Variants in RAB22A observed in about 807,000 individuals in gnomAD.
RAB22A encodes the protein ras-related protein Rab-22A.
RAB22A carries 13 observed loss-of-function variants against 30.2 expected under a neutral mutation model. The observed-to-expected ratio is 0.43, with a 90% CI of 0.28 to 0.68. RAB22A has a LOEUF of 0.68. Ranked by LOEUF, RAB22A falls within the 30% of genes least tolerant of loss-of-function variation. The probability of loss-of-function intolerance (pLI) is 0.18; values close to 1 mark genes in which losing one functional copy is unlikely to be tolerated. For missense variants in RAB22A, 177 were observed against 246.8 expected (o/e 0.72, Z 1.89); for synonymous variants, 89 against 87.2 (o/e 1.02, Z -0.11).
intron 2 of RAB22A, among the ~76,000 whole-genome samples, chr20:58,325,925 T>C (rs1682983963): frequency 6.6e-6 from 1 of 152,164 alleles, no homozygotes; most frequent in Non-Finnish European, 1.5e-5. Context: ...TATAAGTTAC[T>C]AAGAGGAATG....
chr20:58,321,472 T>C (rs961514535), intron 2 of RAB22A, among the ~76,000 whole-genome samples: 6 of 152,320 alleles, frequency 3.9e-5, no homozygotes, highest in East Asian at 3.9e-4. Flanking sequence ...TTTGTGAATG[T>C]TCCATGTGCA....
At chr20:58,355,826 TA>T (rs1291162355) in intron 6 of RAB22A, among the ~76,000 whole-genome samples, 3 of 152,114 alleles carry the variant, frequency 2.0e-5, no homozygotes, top group African/African-American at 7.2e-5. Flanking sequence ...CCCTGTCTCT[TA>T]AAAAAACAAA....
At chr20:58,356,659 A>T (rs1294861810) in intron 6 of RAB22A, among the ~76,000 whole-genome samples, 2 of 152,178 alleles carry the variant, frequency 1.3e-5, no homozygotes, top group African/African-American at 4.8e-5. Context: ...AACCATCCTG[A>T]TACTAATTCT....
chr20:58,350,088 C>T (rs1387958243), intron 3 of RAB22A, among the ~76,000 whole-genome samples: 1 of 151,548 alleles, frequency 6.6e-6, no homozygotes. Context: ...ATGGCAAAAG[C>T]CCATCTCTTA....
At position 58,367,118 on chromosome 20, in the gene RAB22A, T is replaced by G. The variant is rs1987333641; in HGVS notation, c.*7415T>G. The G allele has an allele frequency of 6.6e-6, 1 of 152,596 alleles. No individual in the cohort carries two copies. The highest frequency in any genetic ancestry group is 1.5e-5 in the Non-Finnish European group (1 of 68,044). 9.5% of individuals were successfully genotyped at this position (152,596 alleles called of 1,614,324 possible). ...CAGCCCAAATTTATGGCCTTGGACT[T>G]ACTGCATGACACATGGCCTGGTTAC... On this transcript the variant is annotated 3_prime_UTR_variant, in exon 7 of 7. Coordinates refer to ENST00000244040, the MANE Select transcript of RAB22A (RefSeq NM_020673.3).
chr20:58,349,299 A>T (rs1171267426), intron 3 of RAB22A, among the ~76,000 whole-genome samples: 1 of 152,234 alleles, frequency 6.6e-6, no homozygotes, highest in African/African-American at 2.4e-5. Flanking sequence ...GCTTTTCCCC[A>T]GTGGGTATTT....
chr20:58,337,789 C>T (rs997043499), intron 2 of RAB22A, among the ~76,000 whole-genome samples: 1 of 152,170 alleles, frequency 6.6e-6, no homozygotes, highest in Non-Finnish European at 1.5e-5. Context: ...CCAGCCCTGT[C>T]TATTCTGTGT....
At chr20:58,327,253 A>C (rs1186221616) in intron 2 of RAB22A, among the ~76,000 whole-genome samples, 1 of 152,250 alleles carries the variant, frequency 6.6e-6, no homozygotes, top group Non-Finnish European at 1.5e-5. Context: ...CTAAGTAACA[A>C]ATCGTCCCAG....
chr20:58,342,648 C>CA (rs10709063), intron 2 of RAB22A, among the ~76,000 whole-genome samples: 1,444 of 124,010 alleles, frequency 0.012, 13 homozygotes, highest in Non-Finnish European at 0.012. Context: ...TACAATTTGG[C>CA]AAAAAAAAAA....
chr20:58,347,403 A>T (rs947979857), intron 3 of RAB22A, among the ~76,000 whole-genome samples: 2 of 152,240 alleles, frequency 1.3e-5, no homozygotes, highest in Non-Finnish European at 2.9e-5. Flanking sequence ...TGATGATATA[A>T]GTGCTTCAGA....
intron 6 of RAB22A, among the ~76,000 whole-genome samples, chr20:58,354,535 A>G (rs1414794115): frequency 6.6e-6 from 1 of 152,192 alleles, no homozygotes; most frequent in African/African-American, 2.4e-5. Flanking sequence ...TTCTTTCTCT[A>G]TTTAAATATG....
chr20:58,363,987 A>C lies in RAB22A; in HGVS notation c.*4284A>C, dbSNP rs1439576369. ...CTTGACAGCGGAGTTGCTTGTCTTG[A>C]CTTCTAATAATATAAATCCAGGCAG... On this transcript the variant is annotated 3_prime_UTR_variant, in exon 7 of 7. Coordinates refer to ENST00000244040, the MANE Select transcript of RAB22A (RefSeq NM_020673.3). 6.6e-6 allele frequency: 1 copy of C among 152,658 alleles called. No homozygotes were observed. Among genetic ancestry groups the C allele is most frequent in the African/African-American group, 2.4e-5 (1 of 41,460 alleles). The allele number at this position is 152,658 out of a possible 1,614,324, so 9.5% of individuals were successfully genotyped here. A position where few individuals can be genotyped will look rare whatever the true frequency, so the allele number is the denominator to read the frequency against.
chr20:58,358,185 T>C (rs944256138), intron 6 of RAB22A, among the ~76,000 whole-genome samples: 11 of 152,152 alleles, frequency 7.2e-5, no homozygotes, highest in African/African-American at 2.7e-4. Context: ...GCCAGGTAGG[T>C]AGATGGGTGA....
chr20:58,344,758 A>T (rs572087412), intron 3 of RAB22A, among the ~76,000 whole-genome samples: 1 of 152,368 alleles, frequency 6.6e-6, no homozygotes, highest in South Asian at 2.1e-4. Flanking sequence ...GACAAGAATC[A>T]TCACAGACAA....
intron 2 of RAB22A, among the ~76,000 whole-genome samples, chr20:58,319,434 G>A (rs890001239): frequency 2.6e-5 from 4 of 152,198 alleles, no homozygotes; most frequent in African/African-American, 7.2e-5. Flanking sequence ...CCTCAAGCCA[G>A]TACAATATTG....
At chr20:58,355,983 A>G (rs868485156) in intron 6 of RAB22A, among the ~76,000 whole-genome samples, 1 of 152,212 alleles carries the variant, frequency 6.6e-6, no homozygotes, top group Non-Finnish European at 1.5e-5. Context: ...AATTACTGCT[A>G]TCTTTTTGTG....
At chr20:58,311,607 T>C (rs1197132858) in intron 2 of RAB22A, among the ~76,000 whole-genome samples, 1 of 152,238 alleles carries the variant, frequency 6.6e-6, no homozygotes, top group African/African-American at 2.4e-5. Context: ...GTTCTCTGGT[T>C]CTATGGATAA....
intron 1 of RAB22A, among the ~76,000 whole-genome samples, chr20:58,310,406 C>T (rs1986201483): frequency 6.6e-6 from 1 of 152,206 alleles, no homozygotes; most frequent in Non-Finnish European, 1.5e-5. Flanking sequence ...GTTTTACAAG[C>T]AGCATTAGCC....
intron 2 of RAB22A, among the ~76,000 whole-genome samples, chr20:58,325,149 C>T (rs1986542778): frequency 6.7e-6 from 1 of 149,122 alleles, no homozygotes; most frequent in Admixed American, 6.7e-5. Flanking sequence ...TGCACTCCAG[C>T]CTGGTGACAG....
Sources: allele counts gnomAD v4.1 joint callset (sites outside exome capture counted in the v4.1 genomes callset), GRCh38; gene constraint gnomAD v4.1.1; transcripts MANE v1.5; gene names NCBI Gene and HGNC (gene_info 2026-07-23, HGNC 2026-07-21).